LSAMP: variants seen among roughly 807,000 people sequenced by gnomAD.
LSAMP encodes the protein limbic system-associated membrane protein.
A neutral mutation model predicts 38.6 loss-of-function variants in LSAMP; 7 were observed. The ratio of observed to expected loss-of-function variants is 0.18; its 90% CI spans 0.10 to 0.34. LSAMP has a LOEUF of 0.34. Ranked by LOEUF, LSAMP falls within the 10% of genes least tolerant of loss-of-function variation. The pLI is 1.00. For missense variants in LSAMP, 313 were observed against 420.0 expected (o/e 0.75, Z 2.23); for synonymous variants, 154 against 166.8 (o/e 0.92, Z 0.59).
chr3:116,009,830 G>A (rs957599157), intron 3 of LSAMP, among the ~76,000 whole-genome samples: 1 of 151,916 alleles, frequency 6.6e-6, no homozygotes, highest in Non-Finnish European at 1.5e-5. Context: ...GCGTGATAGT[G>A]TTGAGATCCT....
chr3:116,002,550 GA>G (rs200465172), intron 3 of LSAMP, among the ~76,000 whole-genome samples: 9 of 150,942 alleles, frequency 6.0e-5, no homozygotes, highest in African/African-American at 1.7e-4. Flanking sequence ...GCATCCCTTG[GA>G]AAAAAAAATC....
chr3:115,909,164 C>T (rs370598772), intron 3 of LSAMP, among the ~76,000 whole-genome samples: 2 of 152,318 alleles, frequency 1.3e-5, no homozygotes, highest in Admixed American at 6.5e-5. Flanking sequence ...GCTCCTCCTG[C>T]ATCCTTAGCT....
chr3:116,157,944 C>G (rs1709792589), intron 1 of LSAMP, among the ~76,000 whole-genome samples: 1 of 152,008 alleles, frequency 6.6e-6, no homozygotes, highest in Non-Finnish European at 1.5e-5. Context: ...AACATAGATG[C>G]AAAAATCCTC....
chr3:115,905,684 A>G (rs1055040230), intron 3 of LSAMP, among the ~76,000 whole-genome samples: 8 of 152,150 alleles, frequency 5.3e-5, no homozygotes, highest in Non-Finnish European at 1.0e-4. Context: ...TGTGCTGTAG[A>G]AAACACAGCC....
intron 1 of LSAMP, among the ~76,000 whole-genome samples, chr3:116,233,638 C>T (rs2046430589): frequency 6.6e-6 from 1 of 151,880 alleles, no homozygotes; most frequent in Non-Finnish European, 1.5e-5. Context: ...CTTCCCTTTC[C>T]AGCCTCTGAT....
intron 3 of LSAMP, among the ~76,000 whole-genome samples, chr3:115,878,091 C>G (rs997718254): frequency 2.0e-5 from 3 of 152,164 alleles, no homozygotes; most frequent in African/African-American, 7.2e-5. Flanking sequence ...TGTGGGAGTA[C>G]CAATGCTGAT....
chr3:116,022,514 T>C (rs34705863), intron 2 of LSAMP, among the ~76,000 whole-genome samples: 19,797 of 152,200 alleles, frequency 0.13, 1,465 homozygotes, highest in Non-Finnish European at 0.18. Flanking sequence ...TGTTAGCTTG[T>C]TTTTCTCTGA....
chr3:115,878,351 G>A (rs1043322709), intron 3 of LSAMP, among the ~76,000 whole-genome samples: 3 of 151,324 alleles, frequency 2.0e-5, no homozygotes, highest in African/African-American at 7.3e-5. Context: ...TTGTTGTTCT[G>A]GTTATAAAGA....
At chr3:116,206,677 G>A (rs1274016339) in intron 1 of LSAMP, among the ~76,000 whole-genome samples, 1 of 151,828 alleles carries the variant, frequency 6.6e-6, no homozygotes, top group Non-Finnish European at 1.5e-5. Context: ...TAGTCATTCA[G>A]GAGCAGGTTG....
intron 2 of LSAMP, among the ~76,000 whole-genome samples, chr3:116,049,526 C>T (rs539249369): frequency 3.9e-5 from 6 of 152,250 alleles, no homozygotes; most frequent in Middle Eastern, 3.4e-3. Flanking sequence ...GTTACAATGG[C>T]GATTACAATA....
At chr3:116,044,058 GACA>G (rs1011607093) in intron 2 of LSAMP, among the ~76,000 whole-genome samples, 7 of 152,296 alleles carry the variant, frequency 4.6e-5, no homozygotes, top group Admixed American at 2.0e-4. Context: ...TGAATGCAGA[GACA>G]ACATTATCCC....
chr3:116,068,418 G>T (rs1244925516), intron 2 of LSAMP, among the ~76,000 whole-genome samples: 2 of 151,734 alleles, frequency 1.3e-5, no homozygotes, highest in African/African-American at 4.9e-5. Flanking sequence ...GGCCTGCTTT[G>T]GGTCTTCTGA....
chr3:116,273,898 T>C (rs1372591638), intron 1 of LSAMP, among the ~76,000 whole-genome samples: 2 of 148,064 alleles, frequency 1.4e-5, no homozygotes, highest in African/African-American at 2.5e-5. Flanking sequence ...CTTCCTAGCA[T>C]GCATTGGTAA....
At chr3:116,229,168 A>G (rs1170067135) in intron 1 of LSAMP, among the ~76,000 whole-genome samples, 2 of 152,116 alleles carry the variant, frequency 1.3e-5, no homozygotes, top group African/African-American at 4.8e-5. Context: ...GTATAGTGTT[A>G]TTCTATGAAA....
intron 1 of LSAMP, among the ~76,000 whole-genome samples, chr3:116,376,901 C>G (rs74601646): frequency 2.6e-5 from 4 of 152,098 alleles, no homozygotes; most frequent in Admixed American, 1.3e-4. Flanking sequence ...TTTAAGACAG[C>G]CATCAACAAA....
At chr3:116,423,980 G>GA (rs2049161901) in intron 1 of LSAMP, among the ~76,000 whole-genome samples, 1 of 152,154 alleles carries the variant, frequency 6.6e-6, no homozygotes, top group Non-Finnish European at 1.5e-5. Context: ...CCAGAGTCTA[G>GA]AACAGGTGAT....
chr3:116,252,616 G>A (rs555786044), intron 1 of LSAMP, among the ~76,000 whole-genome samples: 6 of 152,136 alleles, frequency 3.9e-5, no homozygotes, highest in South Asian at 4.1e-4. Flanking sequence ...ATGAATTCTC[G>A]TGATTCTAAG....
chr3:116,198,688 G>A (rs1172342825), intron 1 of LSAMP, among the ~76,000 whole-genome samples: 5 of 150,694 alleles, frequency 3.3e-5, no homozygotes, highest in Admixed American at 1.3e-4. Flanking sequence ...GGAGAATGAC[G>A]TGAACTCGGG....
intron 6 of LSAMP, among the ~76,000 whole-genome samples, chr3:115,817,081 A>G (rs1293616826): frequency 6.6e-6 from 1 of 152,200 alleles, no homozygotes; most frequent in Non-Finnish European, 1.5e-5. Context: ...AGTCTATTCC[A>G]ACTTAAAACC....
Sources: gnomAD v4.1 joint callset for allele counts (sites outside exome capture counted in the v4.1 genomes callset) on GRCh38, gnomAD v4.1.1 for gene constraint, MANE v1.5 for transcripts, NCBI Gene and HGNC (gene_info 2026-07-23, HGNC 2026-07-21) for gene names.